Variants in TTC13 observed in about 807,000 individuals in gnomAD.
The protein encoded by TTC13 is tetratricopeptide repeat protein 13.
A neutral mutation model predicts 120.0 loss-of-function variants in TTC13; 62 were observed. That is an observed-to-expected ratio of 0.52 (90% CI 0.42 to 0.64). TTC13 has a LOEUF of 0.64. TTC13 is among the 30% of genes least tolerant of loss of function. The pLI is 0.00. For missense variants in TTC13, 824 were observed against 1,050.2 expected (o/e 0.78, Z 2.98); for synonymous variants, 384 against 393.5 (o/e 0.98, Z 0.28).
At chr1:230,949,809 C>A (rs1167106350) in intron 4 of TTC13, among the ~76,000 whole-genome samples, 1 of 152,160 alleles carries the variant, frequency 6.6e-6, no homozygotes, top group Non-Finnish European at 1.5e-5. Flanking sequence ...CCATGCCCAG[C>A]TAATTTTGTT....
At position 230,922,830 on chromosome 1, in the gene TTC13, A is replaced by T. The variant is rs114734959; in HGVS notation, c.1814+1011T>A. 7.4e-3 allele frequency among the ~76,000 whole-genome samples: 1,129 copies of T among 152,272 alleles called. 17 individuals are homozygous for T. Among genetic ancestry groups the T allele is most frequent in the African/African-American group, 0.026 (1,061 of 41,548 alleles). ...GCTGGTCTGTCTGCTGTGAGCTTTC[A>T]GCAGGTGGGGCTGTATCTCCCTTCT... is the stretch of plus-strand genomic sequence containing the variant. On this transcript the variant is annotated intron_variant, in intron 15 of 22. Coordinates refer to ENST00000366661, the MANE Select transcript of TTC13 (RefSeq NM_024525.5).
chr1:230,973,356 A>G (rs753818257), intron 1 of TTC13, among the ~76,000 whole-genome samples: 8 of 152,210 alleles, frequency 5.3e-5, no homozygotes, highest in Non-Finnish European at 7.3e-5. Context: ...AGTGTTACCA[A>G]TTTTGTCAAA....
chr1:230,945,275 T>C (rs1457095334), intron 5 of TTC13, 114 bp downstream of exon 5: 2 of 945,962 alleles, frequency 2.1e-6, no homozygotes, highest in African/African-American at 1.6e-5. Context: ...ACTGGAATGA[T>C]AGATACCACT....
At chr1:230,916,444 G>A in intron 17 of TTC13, 142 bp from the exon 18 acceptor site, 1 of 671,082 alleles carries the variant, frequency 1.5e-6, no homozygotes, top group Non-Finnish European at 2.7e-6. Flanking sequence ...GTGGCCTGGT[G>A]GCCAAGGACA....
chr1:230,943,930 A>G (rs2102890020), intron 5 of TTC13, 32 bp from the exon 6 acceptor site: 1 of 1,512,134 alleles, frequency 6.6e-7, no homozygotes, highest in Non-Finnish European at 9.0e-7. Flanking sequence ...TATGAGACAT[A>G]CTGTTACTCA....
intron 15 of TTC13, among the ~76,000 whole-genome samples, chr1:230,922,877 G>C (rs1672711294): frequency 6.6e-6 from 1 of 152,138 alleles, no homozygotes; most frequent in Non-Finnish European, 1.5e-5. Flanking sequence ...ACACAGCACA[G>C]CACAGCACAC....
At chr1:230,972,211 T>A (rs1047928545) in intron 1 of TTC13, among the ~76,000 whole-genome samples, 1 of 152,214 alleles carries the variant, frequency 6.6e-6, no homozygotes, top group African/African-American at 2.4e-5. Context: ...AGACAAAACA[T>A]TTCCCAAATG....
intron 18 of TTC13, among the ~76,000 whole-genome samples, chr1:230,914,481 C>G (rs1404022063): frequency 6.6e-6 from 1 of 151,910 alleles, no homozygotes; most frequent in Non-Finnish European, 1.5e-5. Context: ...TGCAACCTCC[C>G]CGTCATGGGT....
intron 14 of TTC13, 31 bp from the exon 15 acceptor site, chr1:230,923,964 A>G: frequency 6.5e-7 from 1 of 1,537,334 alleles, no homozygotes; most frequent in African/African-American, 1.4e-5. Context: ...TAAAACCAGA[A>G]GTGTTCAGAA....
intron 20 of TTC13, among the ~76,000 whole-genome samples, chr1:230,909,417 G>C (rs1177962011): frequency 6.6e-6 from 1 of 152,166 alleles, no homozygotes; most frequent in Non-Finnish European, 1.5e-5. Context: ...GATCACTTGA[G>C]GTCAGGAGTT....
In TTC13 at chr1:230,931,450, T is replaced by C. The variant is rs757950051; in HGVS notation, c.1148A>G (p.Tyr383Cys). The change falls in exon 11 of 23, where the codon TAT becomes TGT. Residue 383 changes from tyrosine (Y) to cysteine (C), a missense_variant. Tyr to Cys is a radical substitution (Grantham distance 194). Transcript: ENST00000366661. The stretch of plus-strand genomic sequence containing the variant: ...TTTCATATACTGGCACACTTCATTA[T>C]ATGGCTCTAGCTGCAGACACCGCTG... ...NFKRCLQLEPYNEVCQYMKGL... is the reference protein window; with the variant it reads ...NFKRCLQLEPCNEVCQYMKGL... 1 of 1,614,214 alleles carries C rather than the reference T, an allele frequency of 6.2e-7. No homozygotes were observed. Among genetic ancestry groups the C allele is most frequent in the Non-Finnish European group, 8.5e-7 (1 of 1,180,044 alleles).
intron 13 of TTC13, 101 bp downstream of exon 13, chr1:230,925,416 T>G: frequency 7.6e-7 from 1 of 1,308,774 alleles, no homozygotes; most frequent in South Asian, 1.3e-5. Context: ...AGAATTTGAA[T>G]AAGCACAATA....
chr1:230,958,997 AAAAT>A (rs1299048923), intron 2 of TTC13, among the ~76,000 whole-genome samples: 7 of 152,362 alleles, frequency 4.6e-5, no homozygotes, highest in African/African-American at 1.7e-4. Flanking sequence ...CTCTGTCTCA[AAAAT>A]AAATAAATAA....
At chr1:230,969,986 T>G in intron 1 of TTC13, among the ~76,000 whole-genome samples, 1 of 152,226 alleles carries the variant, frequency 6.6e-6, no homozygotes, top group East Asian at 1.9e-4. Context: ...CTTTTGATTC[T>G]CCATCCTCCA....
intron 14 of TTC13, among the ~76,000 whole-genome samples, chr1:230,924,255 A>G (rs1202900351): frequency 1.3e-5 from 2 of 152,240 alleles, no homozygotes; most frequent in African/African-American, 2.4e-5. Flanking sequence ...ACCACAGGTA[A>G]TGGATCTGTT....
Position 230,978,846 on chromosome 1 carries a change from A to C in TTC13, c.-16T>G, listed in dbSNP as rs1678681068. ...CAGGTGCCATCTTCCCTCAAGGCGCATGCGCGACAGCCCTTGCCCGGCTCT... is the reference window on the plus strand; with the variant it reads ...CAGGTGCCATCTTCCCTCAAGGCGCCTGCGCGACAGCCCTTGCCCGGCTCT... On this transcript the variant is annotated 5_prime_UTR_variant, in exon 1 of 23. An upstream start codon of the reference 5' UTR is lost. Transcript: ENST00000366661. This position sits in a 1 kb window ranked among gnomAD's most constrained non-coding sequence, Gnocchi z 5.6. 1 of 1,460,874 alleles carries C rather than the reference A, an allele frequency of 6.8e-7. No homozygotes were observed. The highest frequency in any genetic ancestry group is 1.5e-5 in the African/African-American group (1 of 67,790). 90.5% of individuals were successfully genotyped at this position (1,460,874 alleles called of 1,614,324 possible).
At chr1:230,945,811 T>C (rs1185488718) in intron 4 of TTC13, among the ~76,000 whole-genome samples, 1 of 152,104 alleles carries the variant, frequency 6.6e-6, no homozygotes, top group Non-Finnish European at 1.5e-5. Context: ...CTCAGAGGGG[T>C]AAAGAGATGT....
chr1:230,969,060 G>A (rs1677449010), intron 1 of TTC13, among the ~76,000 whole-genome samples: 1 of 152,100 alleles, frequency 6.6e-6, no homozygotes, highest in Non-Finnish European at 1.5e-5. Flanking sequence ...GGATCACGAG[G>A]TCAGGAGATC....
chr1:230,906,964 T>G lies in TTC13; in HGVS notation c.2524A>C (p.Arg842=), dbSNP rs756509864. 1.7e-5 allele frequency: 26 copies of G among 1,545,208 alleles called. No homozygotes were observed. In the South Asian group the frequency reaches 2.8e-4, roughly 17 times the overall value. The change falls in exon 23 of 23, where the codon AGA becomes CGA. Residue 842 remains arginine, a synonymous_variant. Transcript: ENST00000366661. The stretch of plus-strand genomic sequence containing the variant: ...GTGTTTAGCACCTCAATCATCGATC[T>G]TAACGTTGGAAACGTTTCTGATACT... ...PSVSETFPTL[R]SMIEVLNTDS...
Sources: gnomAD v4.1 joint callset for allele counts (sites outside exome capture counted in the v4.1 genomes callset) on GRCh38, gnomAD v4.1.1 for gene constraint, Gnocchi (gnomAD v3.1) non-coding constraint, MANE v1.5 for transcripts, NCBI Gene and HGNC (gene_info 2026-07-23, HGNC 2026-07-21) for gene names.